The following ZBTB16 variants were observed in gnomAD, a reference collection of about 807,000 sequenced individuals.
The protein encoded by ZBTB16 is zinc finger and BTB domain-containing protein 16.
A neutral mutation model predicts 56.8 loss-of-function variants in ZBTB16; 8 were observed. The observed-to-expected ratio is 0.14, with a 90% CI of 0.08 to 0.25. The LOEUF is 0.25. Among genes scored for constraint, ZBTB16 ranks in the 10% least tolerant of loss-of-function variants. The pLI, the probability that ZBTB16 is intolerant of heterozygous loss-of-function variation, is 1.00. For synonymous variants in ZBTB16, 363 were observed against 368.5 expected (o/e 0.98, Z 0.17); for missense variants, 625 against 903.0 (o/e 0.69, Z 3.95).
intron 4 of ZBTB16, among the ~76,000 whole-genome samples, chr11:114,226,412 A>G (rs1944329298): frequency 6.6e-6 from 1 of 152,180 alleles, no homozygotes; most frequent in Admixed American, 6.5e-5. Context: ...TTGGCCTGAG[A>G]GAGTCAGCCC....
chr11:114,095,249 T>TCTTTTC (rs56992106), intron 2 of ZBTB16, among the ~76,000 whole-genome samples: 30 of 101,260 alleles, frequency 3.0e-4, no homozygotes, highest in African/African-American at 1.0e-3. Flanking sequence ...TCTTTTCTTT[T>TCTTTTC]TTTTTTTTTT....
At chr11:114,134,048 C>T (rs989468210) in intron 2 of ZBTB16, among the ~76,000 whole-genome samples, 1 of 152,142 alleles carries the variant, frequency 6.6e-6, no homozygotes, top group African/African-American at 2.4e-5. Context: ...CACGGGAGCA[C>T]AGCTGGTTGT....
chr11:114,125,133 C>T (rs1175717609), intron 2 of ZBTB16, among the ~76,000 whole-genome samples: 2 of 152,092 alleles, frequency 1.3e-5, no homozygotes, highest in African/African-American at 4.8e-5. Flanking sequence ...GTCAGTAACA[C>T]ACACTCATTT....
At position 114,136,244 on chromosome 11, in the gene ZBTB16, C is replaced by G. The variant is rs1397874013; in HGVS notation, c.1269-20093C>G. 2.6e-5 allele frequency among the ~76,000 whole-genome samples: 4 copies of G among 152,164 alleles called. No homozygotes were observed. The South Asian group carries it at 8.3e-4, about 31-fold the overall frequency. On this transcript the variant is annotated intron_variant, in intron 2 of 6. Coordinates refer to ENST00000335953, the MANE Select transcript of ZBTB16 (RefSeq NM_006006.6). The stretch of plus-strand genomic sequence containing the variant: ...TTCTCCTAGAAGTGTTAAAAATGAG[C>G]CTTCAAGTACTATCTCGGCATTTTG...
intron 2 of ZBTB16, among the ~76,000 whole-genome samples, chr11:114,102,919 C>T (rs1215303501): frequency 6.6e-6 from 1 of 152,148 alleles, no homozygotes; most frequent in Non-Finnish European, 1.5e-5. Context: ...AGCTAAAGCT[C>T]TTTCTTTGTG....
At chr11:114,105,553 T>A (rs188488050) in intron 2 of ZBTB16, among the ~76,000 whole-genome samples, 23 of 152,258 alleles carry the variant, frequency 1.5e-4, no homozygotes, top group Admixed American at 3.3e-4. Flanking sequence ...TTCTCTTGAG[T>A]GACATGCTGA....
In ZBTB16 at chr11:114,167,234, T is replaced by G. The variant is rs1429869135; in HGVS notation, c.1366+10800T>G. Reference sequence around the variant, plus strand: ...ATTTGTGGTTTTTTTTTTTTTTGGTTTTTTTTTTTTTTTTTTTTTGACAAG... The same window carrying G: ...ATTTGTGGTTTTTTTTTTTTTTGGTGTTTTTTTTTTTTTTTTTTTGACAAG... On this transcript the variant is annotated intron_variant, in intron 3 of 6. Coordinates refer to ENST00000335953, the MANE Select transcript of ZBTB16 (RefSeq NM_006006.6). Among the ~76,000 whole-genome samples the G allele has an allele frequency of 1.7e-3, 159 of 91,674 alleles. 3 individuals are homozygous for G. The highest frequency in any genetic ancestry group is 0.011 in the African/African-American group (150 of 14,242). The allele number at this position is 91,674 out of a possible 152,430, so 60.1% of individuals were successfully genotyped here. A position where few individuals can be genotyped will look rare whatever the true frequency, so the allele number is the denominator to read the frequency against.
Position 114,256,712 on chromosome 11 carries a change from G to T in ZBTB16, c.*6157G>T, listed in dbSNP as rs1037864756. Among the ~76,000 whole-genome samples the T allele has an allele frequency of 1.3e-5, 2 of 152,102 alleles. No individual in the cohort carries two copies. The highest frequency in any genetic ancestry group is 2.4e-5 in the African/African-American group (1 of 41,418). On this transcript the variant is annotated 3_prime_UTR_variant, in exon 7 of 7. Coordinates refer to ENST00000335953, the MANE Select transcript of ZBTB16 (RefSeq NM_006006.6). Reference sequence around the variant, plus strand: ...TGTGCAGGGGAGGGGATGGGTGGGAGGTGGCCGTGCAAGCTCTGCATTGTC... The same window carrying T: ...TGTGCAGGGGAGGGGATGGGTGGGATGTGGCCGTGCAAGCTCTGCATTGTC...
intron 3 of ZBTB16, among the ~76,000 whole-genome samples, chr11:114,183,773 C>T (rs1943303744): frequency 1.3e-5 from 2 of 152,366 alleles, no homozygotes; most frequent in South Asian, 4.1e-4. Flanking sequence ...CCAGCCGCAG[C>T]TTTCCCATCC....
At chr11:114,225,618 G>A (rs1485876150) in intron 4 of ZBTB16, among the ~76,000 whole-genome samples, 4 of 151,918 alleles carry the variant, frequency 2.6e-5, no homozygotes, top group Non-Finnish European at 4.4e-5. Flanking sequence ...TAATCCACGC[G>A]TGAGGGCACA....
chr11:114,191,389 C>G (rs1214848329), intron 4 of ZBTB16, among the ~76,000 whole-genome samples: 1 of 152,124 alleles, frequency 6.6e-6, no homozygotes, highest in African/African-American at 2.4e-5. Context: ...TTATAATTGC[C>G]TGCAGTGTTT....
chr11:114,238,650 T>C (rs1944644323), intron 4 of ZBTB16, among the ~76,000 whole-genome samples: 1 of 152,136 alleles, frequency 6.6e-6, no homozygotes. Context: ...ATTAGGATCA[T>C]AGCAACCCTC....
At position 114,063,928 on chromosome 11, in the gene ZBTB16, G is replaced by A. The variant is rs749806742; in HGVS notation, c.628G>A (p.Gly210Arg). 1 of 1,613,904 alleles carries A rather than the reference G, an allele frequency of 6.2e-7. No homozygotes were observed. The highest frequency in any genetic ancestry group is 2.2e-5 in the East Asian group (1 of 44,884). ...TGCAGTGGACAGTTTGATGACCATA[G>A]GACAGTCTCTCCTGCAGGGAACTCT... ...KAAVDSLMTIGQSLLQGTLQP... is the reference protein window; with the variant it reads ...KAAVDSLMTIRQSLLQGTLQP... Residue 210 changes from glycine to arginine, a missense_variant, in exon 2 of 7, where the codon GGA becomes AGA. By Grantham distance (125) the Gly-to-Arg change is moderately radical. Transcript: ENST00000335953. This position sits in a 1 kb window ranked among gnomAD's most constrained non-coding sequence, Gnocchi z 6.5.
At chr11:114,124,937 A>T (rs957197823) in intron 2 of ZBTB16, among the ~76,000 whole-genome samples, 1 of 152,036 alleles carries the variant, frequency 6.6e-6, no homozygotes, top group Admixed American at 6.5e-5. Context: ...TTGGGGAGGC[A>T]TGGTCATGCT....
At chr11:114,124,558 A>AAC (rs1565638099) in intron 2 of ZBTB16, among the ~76,000 whole-genome samples, 1,154 of 95,442 alleles carry the variant, frequency 0.012, 16 homozygotes, top group African/African-American at 0.048. Context: ...AAAAAAAACC[A>AAC]AAAAAAAAAA....
intron 2 of ZBTB16, among the ~76,000 whole-genome samples, chr11:114,123,252 A>T (rs1470630350): frequency 6.6e-6 from 1 of 152,134 alleles, no homozygotes; most frequent in African/African-American, 2.4e-5. Flanking sequence ...CATAGTAGTC[A>T]TGTAGGATAA....
intron 2 of ZBTB16, among the ~76,000 whole-genome samples, chr11:114,102,550 C>CCCCCCGGCTG (rs1297600216): frequency 1.3e-5 from 2 of 151,156 alleles, no homozygotes; most frequent in Non-Finnish European, 2.9e-5. Context: ...GTCCCCCCCA[C>CCCCCCGGCTG]CCCCCGGCTG....
chr11:114,073,725 C>T (rs912370344), intron 2 of ZBTB16, among the ~76,000 whole-genome samples: 2 of 152,138 alleles, frequency 1.3e-5, no homozygotes, highest in Non-Finnish European at 2.9e-5. Context: ...TGGGGTGTTA[C>T]TGAGAAAGTT....
At chr11:114,087,117 T>C (rs576905778) in intron 2 of ZBTB16, among the ~76,000 whole-genome samples, 40 of 152,328 alleles carry the variant, frequency 2.6e-4, no homozygotes, top group Non-Finnish European at 5.4e-4. Flanking sequence ...TTCCTGAGTC[T>C]GTTTCATCAT....
Sources: gnomAD v4.1 joint callset for allele counts (sites outside exome capture counted in the v4.1 genomes callset) on GRCh38, gnomAD v4.1.1 for gene constraint, Gnocchi (gnomAD v3.1) non-coding constraint, MANE v1.5 for transcripts, NCBI Gene and HGNC (gene_info 2026-07-23, HGNC 2026-07-21) for gene names.